ST6GALNAC3: variants seen among roughly 807,000 people sequenced by gnomAD.
ST6GALNAC3 encodes alpha-N-acetylgalactosaminide alpha-2,6-sialyltransferase 3.
A neutral mutation model predicts 32.7 loss-of-function variants in ST6GALNAC3; 25 were observed. The ratio of observed to expected loss-of-function variants is 0.76; its 90% CI spans 0.56 to 1.07. The LOEUF is 1.07. Among genes scored for constraint, ST6GALNAC3 ranks in the 50% least tolerant of loss-of-function variants. The pLI is 0.00. For synonymous variants in ST6GALNAC3, 129 were observed against 133.1 expected (o/e 0.97, Z 0.21); for missense variants, 355 against 382.4 (o/e 0.93, Z 0.60).
Position 76,213,597 on chromosome 1 carries a change from T to G in ST6GALNAC3, c.19-100208T>G, listed in dbSNP as rs546754009. 3.3e-5 allele frequency among the ~76,000 whole-genome samples: 5 copies of G among 152,344 alleles called. No homozygotes were observed. In the South Asian group the frequency reaches 8.3e-4, roughly 25 times the overall value. On this transcript the variant is annotated intron_variant, in intron 1 of 4. Coordinates refer to ENST00000328299, the MANE Select transcript of ST6GALNAC3 (RefSeq NM_152996.4). ...TCTGTTCTATTAAAAACAAATTCCC[T>G]TGCTCTATTTATTCCAACTAAAATC...
intron 3 of ST6GALNAC3, among the ~76,000 whole-genome samples, chr1:76,606,642 T>C (rs1034001083): frequency 4.0e-5 from 6 of 151,280 alleles, no homozygotes; most frequent in Admixed American, 4.0e-4. Flanking sequence ...GATGGGTTAG[T>C]AGGTATAGTA....
chr1:76,176,522 A>T (rs1652865401), intron 1 of ST6GALNAC3, among the ~76,000 whole-genome samples: 1 of 152,248 alleles, frequency 6.6e-6, no homozygotes, highest in Non-Finnish European at 1.5e-5. Context: ...AAAGAAAGAC[A>T]TCTGTGACGT....
chr1:76,407,428 C>A (rs575623465), intron 2 of ST6GALNAC3, among the ~76,000 whole-genome samples: 100 of 151,954 alleles, frequency 6.6e-4, no homozygotes, highest in African/African-American at 2.4e-3. Context: ...AAAAAAATAG[C>A]CAAAACAAAT....
At chr1:76,428,749 C>G (rs1267942402) in intron 3 of ST6GALNAC3, among the ~76,000 whole-genome samples, 3 of 152,060 alleles carry the variant, frequency 2.0e-5, no homozygotes, top group African/African-American at 7.2e-5. Flanking sequence ...AATGAAAGAA[C>G]TCATTATGCA....
intron 1 of ST6GALNAC3, among the ~76,000 whole-genome samples, chr1:76,145,820 T>C (rs1650646495): frequency 6.6e-6 from 1 of 152,342 alleles, no homozygotes; most frequent in Admixed American, 6.5e-5. Flanking sequence ...CAATGGATTT[T>C]CCTGAATAGT....
intron 1 of ST6GALNAC3, among the ~76,000 whole-genome samples, chr1:76,189,957 G>T (rs1196864353): frequency 6.6e-6 from 1 of 152,188 alleles, no homozygotes; most frequent in Non-Finnish European, 1.5e-5. Context: ...GATCACAGTG[G>T]ACTGAATTCT....
chr1:76,144,966 AAAT>A (rs35496403), intron 1 of ST6GALNAC3, among the ~76,000 whole-genome samples: 22 of 152,304 alleles, frequency 1.4e-4, no homozygotes, highest in African/African-American at 5.3e-4. Context: ...CCTTTACTGA[AAAT>A]AATAATGCTT....
intron 3 of ST6GALNAC3, among the ~76,000 whole-genome samples, chr1:76,522,631 G>T (rs1662618231): frequency 6.6e-6 from 1 of 152,056 alleles, no homozygotes. Flanking sequence ...TCATTATTTT[G>T]TATAGATTCT....
chr1:76,395,416 A>G (rs1323730807), intron 2 of ST6GALNAC3, among the ~76,000 whole-genome samples: 2 of 152,222 alleles, frequency 1.3e-5, no homozygotes, highest in Non-Finnish European at 2.9e-5. Context: ...GAACTGCCAT[A>G]TGATCCAGCA....
At chr1:76,635,236 T>A (rs621590), downstream of ST6GALNAC3, among the ~76,000 whole-genome samples, 72,394 of 151,872 alleles carry the variant, frequency 0.48, 17,991 homozygotes, top group African/African-American at 0.62. Context: ...TTTCTGCAAA[T>A]CTCAACACTC....
intron 1 of ST6GALNAC3, among the ~76,000 whole-genome samples, chr1:76,262,081 G>A (rs1391381307): frequency 2.0e-5 from 3 of 152,130 alleles, no homozygotes; most frequent in Non-Finnish European, 4.4e-5. Context: ...TAACCACTAA[G>A]TCATATTGCT....
chr1:76,247,458 A>C (rs536199961), intron 1 of ST6GALNAC3, among the ~76,000 whole-genome samples: 198 of 152,348 alleles, frequency 1.3e-3, no homozygotes, highest in Admixed American at 3.3e-3. Flanking sequence ...TGTCCCAGGA[A>C]GATGAGAGTT....
chr1:76,474,866 C>T (rs76359922), intron 3 of ST6GALNAC3, among the ~76,000 whole-genome samples: 4,217 of 152,220 alleles, frequency 0.028, 87 homozygotes, highest in Admixed American at 0.068. Flanking sequence ...CTCTTGGAAG[C>T]TTCACTGCTT....
chr1:76,275,883 C>CT (rs1222748788), intron 1 of ST6GALNAC3, among the ~76,000 whole-genome samples: 2 of 152,166 alleles, frequency 1.3e-5, no homozygotes, highest in African/African-American at 4.8e-5. Flanking sequence ...AGCTTCAAGA[C>CT]TGGTTTGATT....
At chr1:76,458,636 C>CA (rs1658033340) in intron 3 of ST6GALNAC3, among the ~76,000 whole-genome samples, 1 of 148,992 alleles carries the variant, frequency 6.7e-6, no homozygotes, top group Admixed American at 6.7e-5. Flanking sequence ...ATTGCAAGAA[C>CA]AAAAAACCAA....
intron 1 of ST6GALNAC3, among the ~76,000 whole-genome samples, chr1:76,081,192 G>C (rs1146661): frequency 0.039 from 5,838 of 151,584 alleles, 284 homozygotes; most frequent in African/African-American, 0.1. Context: ...TAAAGCAGGG[G>C]TGTTCAAACT....
intron 1 of ST6GALNAC3, among the ~76,000 whole-genome samples, chr1:76,202,810 G>A (rs921308064): frequency 2.0e-5 from 3 of 152,140 alleles, no homozygotes; most frequent in African/African-American, 7.2e-5. Flanking sequence ...GATTTGCTAG[G>A]TATATATTGA....
rs569999412 is a variant in ST6GALNAC3, at chr1:76,217,526, T to A, written c.19-96279T>A. Reference sequence around the variant, plus strand: ...CAAACACAACTTCTTCTTATTATTATTATTTCAATAGGATTTGGGAGAACC... The same window carrying A: ...CAAACACAACTTCTTCTTATTATTAATATTTCAATAGGATTTGGGAGAACC... On this transcript the variant is annotated intron_variant, in intron 1 of 4. Coordinates refer to ENST00000328299, the MANE Select transcript of ST6GALNAC3 (RefSeq NM_152996.4). Among the ~76,000 whole-genome samples the A allele has an allele frequency of 9.9e-3, 1,502 of 152,268 alleles. 8 individuals carry two copies. Among genetic ancestry groups the A allele is most frequent in the Middle Eastern group, 0.024 (7 of 294 alleles).
chr1:76,558,127 T>C (rs1665034925), intron 3 of ST6GALNAC3, among the ~76,000 whole-genome samples: 1 of 152,148 alleles, frequency 6.6e-6, no homozygotes, highest in Non-Finnish European at 1.5e-5. Flanking sequence ...AAGGGAACAC[T>C]TATACACTGT....
Sources: allele counts gnomAD v4.1 joint callset (sites outside exome capture counted in the v4.1 genomes callset), GRCh38; gene constraint gnomAD v4.1.1; transcripts MANE v1.5; gene names NCBI Gene and HGNC (gene_info 2026-07-23, HGNC 2026-07-21).